Variants in MPPED2 observed in about 807,000 individuals in gnomAD.
The protein encoded by MPPED2 is metallophosphoesterase MPPED2.
MPPED2 carries 5 observed loss-of-function variants against 33.0 expected under a neutral mutation model. The observed-to-expected ratio is 0.15, with a 90% CI of 0.08 to 0.32. The LOEUF (loss-of-function observed/expected upper bound fraction) is 0.32. Among genes scored for constraint, MPPED2 ranks in the 10% least tolerant of loss-of-function variants. The pLI is 1.00. For synonymous variants in MPPED2, 136 were observed against 141.9 expected (o/e 0.96, Z 0.29); for missense variants, 275 against 372.1 (o/e 0.74, Z 2.15).
chr11:30,557,752 A>G (rs957781185), intron 2 of MPPED2, among the ~76,000 whole-genome samples: 1 of 152,220 alleles, frequency 6.6e-6, no homozygotes, highest in Non-Finnish European at 1.5e-5. Flanking sequence ...AGTCAGTCCA[A>G]CATATTTGAA....
At chr11:30,440,849 G>A (rs1336004015) in intron 4 of MPPED2, among the ~76,000 whole-genome samples, 1 of 152,196 alleles carries the variant, frequency 6.6e-6, no homozygotes, top group Non-Finnish European at 1.5e-5. Context: ...TGCAGAGGAC[G>A]CTAAGAAATA....
chr11:30,478,917 A>G (rs983240209), intron 4 of MPPED2, among the ~76,000 whole-genome samples: 1 of 152,160 alleles, frequency 6.6e-6, no homozygotes. Flanking sequence ...GCTGTTTGAC[A>G]GAGAAAAAAG....
intron 4 of MPPED2, among the ~76,000 whole-genome samples, chr11:30,487,118 A>T (rs936513747): frequency 1.3e-5 from 2 of 152,184 alleles, no homozygotes; most frequent in African/African-American, 4.8e-5. Flanking sequence ...TGGAGCTTGT[A>T]ATCACTTTAT....
chr11:30,390,626 C>T (rs199939403), intron 6 of MPPED2, among the ~76,000 whole-genome samples: 4 of 152,208 alleles, frequency 2.6e-5, no homozygotes, highest in Non-Finnish European at 2.9e-5. Flanking sequence ...AAGACTGTTT[C>T]GGTTAGCCTT....
intron 2 of MPPED2, among the ~76,000 whole-genome samples, chr11:30,544,539 C>G (rs115728139): frequency 6.6e-6 from 1 of 152,182 alleles, no homozygotes; most frequent in Non-Finnish European, 1.5e-5. Flanking sequence ...CAAATGCTTA[C>G]GAACATGCCT....
Position 30,411,595 on chromosome 11 carries a change from A to G in MPPED2, c.767-9T>C, listed in dbSNP as rs1230582188. 1 of 1,606,446 alleles carries G rather than the reference A, an allele frequency of 6.2e-7. No individual in the cohort carries two copies. Among genetic ancestry groups the G allele is most frequent in the Non-Finnish European group, 8.5e-7 (1 of 1,174,974 alleles). ...GGTCATGATGCCATAACCTGTGGGG[A>G]GAGCGTGTCACATTTACTGTAATAT... On this transcript the variant is annotated splice_polypyrimidine_tract_variant and intron_variant, in intron 6 of 6. Transcript: ENST00000358117.
intron 4 of MPPED2, among the ~76,000 whole-genome samples, chr11:30,421,303 A>G (rs1319687661): frequency 6.6e-6 from 1 of 152,210 alleles, no homozygotes; most frequent in Non-Finnish European, 1.5e-5. Flanking sequence ...TCTGTAAAAG[A>G]TAAGACAAAC....
At chr11:30,460,204 T>A (rs568331) in intron 4 of MPPED2, among the ~76,000 whole-genome samples, 91,023 of 152,126 alleles carry the variant, frequency 0.6, 28,637 homozygotes, top group African/African-American at 0.81. Flanking sequence ...CTTCTGCATT[T>A]TGCCATAGTT....
downstream of MPPED2, among the ~76,000 whole-genome samples, chr11:30,407,431 G>A (rs1007596554): frequency 4.6e-5 from 7 of 152,224 alleles, no homozygotes; most frequent in Admixed American, 6.5e-5. Context: ...TGGGAAGTTA[G>A]GCTCCCTTAT....
At chr11:30,531,965 C>T (rs954779833) in intron 3 of MPPED2, among the ~76,000 whole-genome samples, 1 of 152,206 alleles carries the variant, frequency 6.6e-6, no homozygotes, top group Non-Finnish European at 1.5e-5. Context: ...TAAGGAAATA[C>T]ACTTGGAAAT....
chr11:30,537,714 T>G (rs1418907852), intron 2 of MPPED2, among the ~76,000 whole-genome samples: 5 of 152,142 alleles, frequency 3.3e-5, no homozygotes, highest in African/African-American at 9.7e-5. Flanking sequence ...GTTATCACAG[T>G]GGGTCTAATT....
intron 3 of MPPED2, among the ~76,000 whole-genome samples, chr11:30,532,743 A>G (rs1017639562): frequency 1.3e-5 from 2 of 152,168 alleles, no homozygotes; most frequent in African/African-American, 2.4e-5. Context: ...TCCATCCTGT[A>G]GTGATATCTG....
chr11:30,584,341 TACACACAC>T (rs142791324), intron 1 of MPPED2: 1,794 of 111,638 alleles, frequency 0.016, 20 homozygotes, highest in South Asian at 0.022. Context: ...CTTTATGAAC[TACACACAC>T]ACACACACAC....
intron 3 of MPPED2, among the ~76,000 whole-genome samples, chr11:30,535,490 T>A (rs1251654901): frequency 1.3e-5 from 2 of 152,130 alleles, no homozygotes; most frequent in Non-Finnish European, 1.5e-5. Context: ...TTTTCAGGGG[T>A]CTAGAACACC....
intron 2 of MPPED2, among the ~76,000 whole-genome samples, chr11:30,561,444 C>A (rs1167438211): frequency 6.6e-6 from 1 of 152,120 alleles, no homozygotes; most frequent in African/African-American, 2.4e-5. Context: ...CTGAACTTCC[C>A]AGAAAAGCAA....
intron 4 of MPPED2, among the ~76,000 whole-genome samples, chr11:30,423,283 A>G (rs1348446939): frequency 6.6e-6 from 1 of 152,226 alleles, no homozygotes; most frequent in Non-Finnish European, 1.5e-5. Flanking sequence ...ACTCAGGGTC[A>G]CAGCCCTGGT....
chr11:30,578,705 T>C (rs1307112774), intron 2 of MPPED2, among the ~76,000 whole-genome samples: 1 of 152,066 alleles, frequency 6.6e-6, no homozygotes, highest in Non-Finnish European at 1.5e-5. Context: ...AGTTCTTTAA[T>C]ACAAAAACAT....
intron 4 of MPPED2, among the ~76,000 whole-genome samples, chr11:30,447,552 A>C (rs929809223): frequency 6.6e-6 from 1 of 152,164 alleles, no homozygotes; most frequent in South Asian, 2.1e-4. Context: ...TGGGTGATAA[A>C]GTGTGGGGTG....
chr11:30,496,643 C>T (rs1952267747), intron 3 of MPPED2, among the ~76,000 whole-genome samples: 1 of 137,768 alleles, frequency 7.3e-6, no homozygotes, highest in South Asian at 2.2e-4. Flanking sequence ...AGAACTGGTC[C>T]TTACCAGCAA....
Sources: gnomAD v4.1 joint callset for allele counts (sites outside exome capture counted in the v4.1 genomes callset) on GRCh38, gnomAD v4.1.1 for gene constraint, MANE v1.5 for transcripts, NCBI Gene and HGNC (gene_info 2026-07-23, HGNC 2026-07-21) for gene names.